The following MECOM variants were observed in gnomAD, a reference collection of about 807,000 sequenced individuals.
The protein encoded by MECOM is histone-lysine N-methyltransferase MECOM.
In MECOM, 13 loss-of-function variants were observed where a neutral mutation model predicts 116.3. That is an observed-to-expected ratio of 0.11 (90% CI 0.07 to 0.18). MECOM has a LOEUF of 0.18. Ranked by LOEUF, MECOM falls within the 10% of genes least tolerant of loss-of-function variation. MECOM has a pLI of 1.00. For missense variants in MECOM, 1,299 were observed against 1,509.0 expected, an observed-to-expected ratio of 0.86 and a Z score of 2.31; for synonymous variants, 528 against 535.2, an observed-to-expected ratio of 0.99 and a Z score of 0.19.
At chr3:169,168,338 T>A (rs1018466632) in intron 2 of MECOM, among the ~76,000 whole-genome samples, 1 of 118,508 alleles carries the variant, frequency 8.4e-6, no homozygotes, top group Non-Finnish European at 1.9e-5. Context: ...CTTGGCCTGC[T>A]TTTTTTTTTT....
intron 1 of MECOM, among the ~76,000 whole-genome samples, chr3:169,409,759 C>G (rs906588257): frequency 6.6e-6 from 1 of 152,162 alleles, no homozygotes; most frequent in African/African-American, 2.4e-5. Context: ...ATGGCAAATA[C>G]TATTTGAATT....
At chr3:169,262,869 G>A (rs1390492539) in intron 2 of MECOM, among the ~76,000 whole-genome samples, 1 of 151,528 alleles carries the variant, frequency 6.6e-6, no homozygotes, top group African/African-American at 2.4e-5. Flanking sequence ...CAGGAGGCAA[G>A]GAGTTACATT....
intron 1 of MECOM, among the ~76,000 whole-genome samples, chr3:169,494,623 C>A (rs1483469012): frequency 6.6e-6 from 1 of 152,202 alleles, no homozygotes; most frequent in Non-Finnish European, 1.5e-5. Flanking sequence ...CCACTAAGAT[C>A]TTCCTGCTTT....
At chr3:169,129,519 G>A (rs919249032) in intron 4 of MECOM, among the ~76,000 whole-genome samples, 2 of 151,960 alleles carry the variant, frequency 1.3e-5, no homozygotes, top group African/African-American at 4.8e-5. Context: ...ACCAGTAACA[G>A]TGGTAACAGA....
chr3:169,543,202 C>G (rs563529106), intron 1 of MECOM, among the ~76,000 whole-genome samples: 2 of 152,308 alleles, frequency 1.3e-5, no homozygotes, highest in Admixed American at 1.3e-4. Context: ...GGTCATTATT[C>G]CATGCCTTGT....
chr3:169,088,486 AC>A (rs1465446062), intron 16 of MECOM, among the ~76,000 whole-genome samples: 20 of 152,268 alleles, frequency 1.3e-4, no homozygotes, highest in African/African-American at 4.8e-4. Context: ...GTTGGTGTAG[AC>A]CTTTGGCAAC....
intron 2 of MECOM, among the ~76,000 whole-genome samples, chr3:169,150,383 AT>A (rs1740997885): frequency 6.6e-6 from 1 of 152,232 alleles, no homozygotes; most frequent in Admixed American, 6.5e-5. Context: ...ATTCCTTGGG[AT>A]TTCTGGTGAA....
At chr3:169,619,390 A>G (rs1770429136) in intron 1 of MECOM, among the ~76,000 whole-genome samples, 1 of 152,110 alleles carries the variant, frequency 6.6e-6, no homozygotes, top group Admixed American at 6.5e-5. Context: ...CCACTACACA[A>G]AAGGAAGGAG....
At position 169,203,068 on chromosome 3, in the gene MECOM, C is replaced by T. The variant is rs116035789; in HGVS notation, c.376-59236G>A. Among the ~76,000 whole-genome samples, 1,175 of 152,210 alleles carry T rather than the reference C, an allele frequency of 7.7e-3. 20 individuals are homozygous for T. Among genetic ancestry groups the T allele is most frequent in the African/African-American group, 0.027 (1,113 of 41,550 alleles). On this transcript the variant is annotated intron_variant, in intron 2 of 16. Transcript: ENST00000651503. Reference sequence around the variant, plus strand: ...ATTTCTCACCTTTGGACTATTTTAGCAGTCATTTTCATGGTATATTGAGGA... The same window carrying T: ...ATTTCTCACCTTTGGACTATTTTAGTAGTCATTTTCATGGTATATTGAGGA...
At chr3:169,370,112 G>A (rs1729843229) in intron 2 of MECOM, among the ~76,000 whole-genome samples, 1 of 151,838 alleles carries the variant, frequency 6.6e-6, no homozygotes, top group African/African-American at 2.4e-5. Flanking sequence ...CCAACCTAAA[G>A]GGTCCTAGGG....
chr3:169,653,894 G>A (rs1286787847), intron 1 of MECOM, among the ~76,000 whole-genome samples: 5 of 152,070 alleles, frequency 3.3e-5, no homozygotes, highest in African/African-American at 9.7e-5. Flanking sequence ...TCTCACTCCC[G>A]ACCTGTACTC....
intron 1 of MECOM, among the ~76,000 whole-genome samples, chr3:169,604,110 C>A (rs1052930862): frequency 6.6e-6 from 1 of 151,944 alleles, no homozygotes; most frequent in African/African-American, 2.4e-5. Flanking sequence ...AGGGGAGCAG[C>A]TAGAAAGAGA....
Position 169,122,574 on chromosome 3 carries a change from C to A in MECOM, c.978+6G>T, listed in dbSNP as rs1306789475. 1 of 1,613,806 alleles carries A rather than the reference C, an allele frequency of 6.2e-7. No individual in the cohort carries two copies. The highest frequency in any genetic ancestry group is 8.5e-7 in the Non-Finnish European group (1 of 1,179,856). ...AGAGGCCAAGTAGCCTACAAATTCA[C>A]TGTACCTTGGCACAGTTTTCACATT... On this transcript the variant is annotated splice_donor_region_variant and intron_variant, in intron 6 of 16. Transcript: ENST00000651503.
intron 1 of MECOM, chr3:169,484,113 C>A: frequency 1.2e-6 from 1 of 819,324 alleles, no homozygotes; most frequent in Admixed American, 2.2e-5. Flanking sequence ...ATTTCAATTT[C>A]TCTAGTAAAC....
chr3:169,465,713 T>C (rs1393845693), intron 1 of MECOM, among the ~76,000 whole-genome samples: 4 of 152,324 alleles, frequency 2.6e-5, no homozygotes, highest in Non-Finnish European at 5.9e-5. Flanking sequence ...TTTCTCACCA[T>C]AAGAAAATCC....
At position 169,477,938 on chromosome 3, in the gene MECOM, C is replaced by G. The variant is rs115351806; in HGVS notation, c.38-96414G>C. Among the ~76,000 whole-genome samples the G allele has an allele frequency of 5.8e-3, 890 of 152,340 alleles. 8 individuals are homozygous for G. Among genetic ancestry groups the G allele is most frequent in the Middle Eastern group, 0.017 (5 of 294 alleles). ...ATACCACAGAAGCTACATGCCACAG[C>G]AGGATGCCTGTCGGATAGACAATTA... is the stretch of plus-strand genomic sequence containing the variant. On this transcript the variant is annotated intron_variant, in intron 1 of 16. Transcript: ENST00000651503.
At chr3:169,243,888 G>C (rs983394663) in intron 2 of MECOM, among the ~76,000 whole-genome samples, 4 of 152,168 alleles carry the variant, frequency 2.6e-5, no homozygotes, top group Admixed American at 2.0e-4. Context: ...AAATTCATTT[G>C]GAGCACTCGC....
At chr3:169,238,104 G>T (rs1476924295) in intron 2 of MECOM, among the ~76,000 whole-genome samples, 1 of 150,862 alleles carries the variant, frequency 6.6e-6, no homozygotes, top group African/African-American at 2.4e-5. Flanking sequence ...GAACCCAGGG[G>T]GCAAAGGTTG....
intron 1 of MECOM, among the ~76,000 whole-genome samples, chr3:169,491,376 C>T (rs1034610521): frequency 3.3e-5 from 5 of 152,040 alleles, no homozygotes; most frequent in African/African-American, 1.2e-4. Flanking sequence ...CTAGAAAAGG[C>T]TCTAGGTTGG....
Sources: gnomAD v4.1 joint callset for allele counts (sites outside exome capture counted in the v4.1 genomes callset) on GRCh38, gnomAD v4.1.1 for gene constraint, MANE v1.5 for transcripts, NCBI Gene and HGNC (gene_info 2026-07-23, HGNC 2026-07-21) for gene names.